Variants in CAND2 observed in about 807,000 individuals in gnomAD.
The protein encoded by CAND2 is cullin associated and neddylation dissociated 2 (putative), also known as cullin-associated NEDD8-dissociated protein 2.
In CAND2, 62 loss-of-function variants were observed where a neutral mutation model predicts 98.9. That is an observed-to-expected ratio of 0.63 (90% CI 0.51 to 0.77). The LOEUF is 0.77. Among genes scored for constraint, CAND2 ranks in the 30% least tolerant of loss-of-function variants. The pLI is 0.00. For missense variants in CAND2, 1,501 were observed against 1,655.2 expected (o/e 0.91, Z 1.62); for synonymous variants, 770 against 731.9 (o/e 1.05, Z -0.84).
Position 12,820,069 on chromosome 3 carries a change from C to A in CAND2, c.2945-17C>A. On this transcript the variant is annotated splice_polypyrimidine_tract_variant and intron_variant, in intron 10 of 14. Coordinates refer to ENST00000456430, the MANE Select transcript of CAND2 (RefSeq NM_001162499.2). ...TGGCCCCTGCCCCTCACTAACTCAC[C>A]TCTTCTTGTCCTGCAGGTCGGCCAC... The A allele has an allele frequency of 6.2e-7, 1 of 1,610,464 alleles. No individual in the cohort carries two copies.
chr3:12,809,287 A>G (rs2061831042), intron 4 of CAND2, among the ~76,000 whole-genome samples: 1 of 151,978 alleles, frequency 6.6e-6, no homozygotes, highest in South Asian at 2.1e-4. Flanking sequence ...GGCTCCTGGG[A>G]GGCACTCACT....
chr3:12,825,348 C>A, intron 11 of CAND2, 122 bp from the exon 12 acceptor site: 3 of 923,676 alleles, frequency 3.2e-6, no homozygotes, highest in Non-Finnish European at 4.8e-6. Flanking sequence ...GCTCACCACA[C>A]CCAGCTTACC....
In CAND2 at chr3:12,834,110, C is replaced by T; in HGVS notation, c.*128C>T. ...CCATCTCACTGGGGGCCCTGTCGCT[C>T]CTGGTCAGGGCTTACAGTGCCTTCT... On this transcript the variant is annotated 3_prime_UTR_variant, in exon 15 of 15. Transcript: ENST00000456430. 1.3e-6 allele frequency: 1 copy of T among 744,940 alleles called. No homozygotes were observed. The highest frequency in any genetic ancestry group is 1.7e-5 in the South Asian group (1 of 58,012). 46.1% of individuals were successfully genotyped at this position (744,940 alleles called of 1,614,324 possible).
chr3:12,829,051 TCTC>T, intron 13 of CAND2, among the ~76,000 whole-genome samples: 1 of 152,220 alleles, frequency 6.6e-6, no homozygotes, highest in Non-Finnish European at 1.5e-5. Flanking sequence ...TGCCTTCAGT[TCTC>T]TTCACTTTAC....
chr3:12,819,559 T>TA (rs1186272298), intron 10 of CAND2, among the ~76,000 whole-genome samples: 2 of 152,190 alleles, frequency 1.3e-5, no homozygotes, highest in Non-Finnish European at 2.9e-5. Flanking sequence ...CGAGTTCTGT[T>TA]AGGCCTCCCT....
At chr3:12,797,845 C>G (rs1488402383) in intron 1 of CAND2, among the ~76,000 whole-genome samples, 3 of 152,168 alleles carry the variant, frequency 2.0e-5, no homozygotes, top group African/African-American at 7.2e-5. Flanking sequence ...TAGTGAGGTC[C>G]TCTGATTCCA....
chr3:12,834,314 T>C lies in CAND2; in HGVS notation c.*332T>C. On this transcript the variant is annotated 3_prime_UTR_variant, in exon 15 of 15. Transcript: ENST00000456430. Reference sequence around the variant, plus strand: ...CAGAGGGTGTCTCTGCCTCACAAACTAGTAGTATTTAGAAATAGGCTGTGC... The same window carrying C: ...CAGAGGGTGTCTCTGCCTCACAAACCAGTAGTATTTAGAAATAGGCTGTGC... 3.5e-6 allele frequency: 1 copy of C among 289,668 alleles called. No homozygotes were observed. The highest frequency in any genetic ancestry group is 6.6e-6 in the Non-Finnish European group (1 of 151,214). The allele number at this position is 289,668 out of a possible 1,614,324, so 17.9% of individuals were successfully genotyped here. A position where few individuals can be genotyped will look rare whatever the true frequency, so the allele number is the denominator to read the frequency against.
Position 12,833,706 on chromosome 3 carries a change from T to TG in CAND2, c.3484-46dup, listed in dbSNP as rs755670964. 79 of 1,458,090 alleles carry TG rather than the reference T, an allele frequency of 5.4e-5. No homozygotes were observed. In the African/African-American group the frequency reaches 1.1e-3, roughly 20 times the overall value. The allele number at this position is 1,458,090 out of a possible 1,614,324, so 90.3% of individuals were successfully genotyped here. On this transcript the variant is annotated intron_variant, in intron 14 of 14. Transcript: ENST00000456430. ...AAAGACCAGTGAGGAGGCAGTGGTG[T>TG]GGGCCAGGCTCAATAAAGGATGGCT... is the stretch of plus-strand genomic sequence containing the variant.
Position 12,813,095 on chromosome 3 carries a change from A to G in CAND2, c.863A>G (p.Lys288Arg). 6.4e-7 allele frequency: 1 copy of G among 1,574,624 alleles called. No individual in the cohort carries two copies. The highest frequency in any genetic ancestry group is 8.6e-7 in the Non-Finnish European group (1 of 1,159,426). The change falls in exon 6 of 15, where the codon AAG becomes AGG. Residue 288 changes from lysine to arginine, a missense_variant and splice_region_variant. Coordinates refer to ENST00000456430, the MANE Select transcript of CAND2 (RefSeq NM_001162499.2). ...CAGGCTTTTGAGGCCTTCTTGAGGAAGTATGTATGGTGGGGTTGCCTGGGG... is the reference window on the plus strand; with the variant it reads ...CAGGCTTTTGAGGCCTTCTTGAGGAGGTATGTATGGTGGGGTTGCCTGGGG... ...CLQAFEAFLR[K>R]CPKEMGPHVP...
chr3:12,813,334 A>T lies in CAND2; in HGVS notation c.952A>T (p.Ser318Cys), dbSNP rs1432160633. The change falls in exon 7 of 15, where the codon AGT becomes TGT. Residue 318 changes from serine to cysteine, a missense_variant. By Grantham distance (112) the Ser-to-Cys change is moderately radical. Around this residue, in one of 3 missense-constraint regions of CAND2, gnomAD observed 1,427 missense variants for 1,545.3 expected, o/e 0.92. Coordinates refer to ENST00000456430, the MANE Select transcript of CAND2 (RefSeq NM_001162499.2). ...ACACGACCCCAACTACAACTACGACAGTGATGAGGATGAGGAGCAGATGGA... is the reference window on the plus strand; with the variant it reads ...ACACGACCCCAACTACAACTACGACTGTGATGAGGATGAGGAGCAGATGGA... ...IKHDPNYNYD[S>C]DEDEEQMETE... 6.2e-7 allele frequency: 1 copy of T among 1,614,184 alleles called. No individual in the cohort carries two copies. The highest frequency in any genetic ancestry group is 2.2e-5 in the East Asian group (1 of 44,882).
intron 2 of CAND2, among the ~76,000 whole-genome samples, chr3:12,804,900 A>T (rs2061795133): frequency 6.6e-6 from 1 of 152,212 alleles, no homozygotes; most frequent in Non-Finnish European, 1.5e-5. Flanking sequence ...GGTGACATGG[A>T]CAAGTTTATG....
intron 13 of CAND2, among the ~76,000 whole-genome samples, chr3:12,830,529 C>T (rs992740661): frequency 2.6e-5 from 4 of 152,224 alleles, no homozygotes; most frequent in Admixed American, 6.5e-5. Flanking sequence ...TTCTTCCATC[C>T]AGTCTGGCCA....
intron 5 of CAND2, among the ~76,000 whole-genome samples, chr3:12,811,901 C>G (rs2061854293): frequency 6.8e-6 from 1 of 146,554 alleles, no homozygotes; most frequent in Non-Finnish European, 1.5e-5. Context: ...GCTTTTTTAA[C>G]TTCTTTTTTT....
At position 12,816,797 on chromosome 3, in the gene CAND2, G is replaced by A. The variant is rs780125791; in HGVS notation, c.1865G>A (p.Arg622Gln). The A allele has an allele frequency of 2.9e-5, 46 of 1,613,490 alleles. No individual in the cohort carries two copies. Among genetic ancestry groups the A allele is most frequent in the Non-Finnish European group, 3.5e-5 (41 of 1,180,046 alleles). Residue 622 changes from arginine (R) to glutamine (Q), a missense_variant, in exon 10 of 15, where the codon CGG becomes CAG. Transcript: ENST00000456430. Reference sequence around the variant, plus strand: ...TTACTGCTCCTCCTGGACCGCCTGCGGAATGAGATCACCCGGCTGCCCGCC... The same window carrying A: ...TTACTGCTCCTCCTGGACCGCCTGCAGAATGAGATCACCCGGCTGCCCGCC... The part of the protein sequence containing the change: ...PTLLLLLDRL[R>Q]NEITRLPAIK...
Position 12,822,739 on chromosome 3 carries a change from A to C in CAND2, c.3040+2558A>C, listed in dbSNP as rs2061967105. On this transcript the variant is annotated intron_variant, in intron 11 of 14. Coordinates refer to ENST00000456430, the MANE Select transcript of CAND2 (RefSeq NM_001162499.2). ...CCTTTTAGTGGAGAATGGTATTTTG[A>C]ATCCAAAATCTGGACACTAGATGTG... Among the ~76,000 whole-genome samples the C allele has an allele frequency of 2.0e-5, 3 of 152,288 alleles. No individual in the cohort carries two copies. The South Asian group carries it at 6.2e-4, about 32-fold the overall frequency.
intron 2 of CAND2, among the ~76,000 whole-genome samples, chr3:12,805,195 A>G (rs2061797192): frequency 6.6e-6 from 1 of 152,202 alleles, no homozygotes; most frequent in Non-Finnish European, 1.5e-5. Flanking sequence ...ACGTGAACTC[A>G]TCATGAGTAC....
chr3:12,829,946 TACAG>T (rs911350804), intron 13 of CAND2, among the ~76,000 whole-genome samples: 3 of 152,270 alleles, frequency 2.0e-5, no homozygotes, highest in Non-Finnish European at 2.9e-5. Flanking sequence ...TTTTCACAAT[TACAG>T]ACAATGCTGC....
At position 12,815,969 on chromosome 3, in the gene CAND2, C is replaced by A; in HGVS notation, c.1402C>A (p.Pro468Thr). The A allele has an allele frequency of 6.2e-7, 1 of 1,613,928 alleles. No homozygotes were observed. The highest frequency in any genetic ancestry group is 8.5e-7 in the Non-Finnish European group (1 of 1,179,982). Residue 468 changes from proline to threonine, a missense_variant, in exon 9 of 15, where the codon CCA becomes ACA. Physicochemically the swap from Pro to Thr is conservative, Grantham distance 38. Transcript: ENST00000456430. This position sits in a 1 kb window ranked among gnomAD's most constrained non-coding sequence, Gnocchi z 5.7. ...SLLTELAGVL[P>T]GSLAEHMPVL... ...CCTCACCGAGCTGGCGGGTGTCCTC[C>A]CAGGCAGCCTGGCCGAGCATATGCC...
At chr3:12,819,703 G>A (rs2061940372) in intron 10 of CAND2, among the ~76,000 whole-genome samples, 1 of 152,110 alleles carries the variant, frequency 6.6e-6, no homozygotes, top group African/African-American at 2.4e-5. Flanking sequence ...ATTTTTATTG[G>A]TGATTTTATT....
Sources: allele counts gnomAD v4.1 joint callset (sites outside exome capture counted in the v4.1 genomes callset), GRCh38; gene constraint gnomAD v4.1.1; regional missense constraint gnomAD v4.1.1; non-coding constraint Gnocchi (gnomAD v3.1); transcripts MANE v1.5; gene names NCBI Gene and HGNC (gene_info 2026-07-23, HGNC 2026-07-21).